AGBL1: variants seen among roughly 807,000 people sequenced by gnomAD.
The protein encoded by AGBL1 is AGBL carboxypeptidase 1.
A neutral mutation model predicts 118.9 loss-of-function variants in AGBL1; 130 were observed. The observed-to-expected ratio is 1.09, with a 90% CI of 0.95 to 1.26. The LOEUF is 1.26. AGBL1 is among the 50% of genes most tolerant of loss of function. The probability of loss-of-function intolerance (pLI) is 0.00; values close to 1 mark genes in which losing one functional copy is unlikely to be tolerated. For synonymous variants in AGBL1, 555 were observed against 478.9 expected, an observed-to-expected ratio of 1.16 and a Z score of -2.08; for missense variants, 1,584 against 1,298.1, an observed-to-expected ratio of 1.22 and a Z score of -3.38.
At chr15:86,403,302 G>C (rs992268142) in intron 18 of AGBL1, among the ~76,000 whole-genome samples, 3 of 152,124 alleles carry the variant, frequency 2.0e-5, no homozygotes, top group Admixed American at 6.6e-5. Flanking sequence ...GATTCTTAGA[G>C]TATATACAAC....
intron 17 of AGBL1, among the ~76,000 whole-genome samples, chr15:86,332,142 T>C (rs959278432): frequency 6.6e-6 from 1 of 152,156 alleles, no homozygotes; most frequent in African/African-American, 2.4e-5. Context: ...TAAAACAATG[T>C]AACAACAGTA....
intron 22 of AGBL1, among the ~76,000 whole-genome samples, chr15:86,785,600 T>C (rs2078400857): frequency 6.6e-6 from 1 of 152,016 alleles, no homozygotes; most frequent in African/African-American, 2.4e-5. Flanking sequence ...ACTCCTGGCC[T>C]CAGGCGATCC....
At chr15:86,582,664 T>C (rs959024924) in intron 21 of AGBL1, among the ~76,000 whole-genome samples, 1 of 152,110 alleles carries the variant, frequency 6.6e-6, no homozygotes, top group Non-Finnish European at 1.5e-5. Flanking sequence ...ATATACACCA[T>C]GGAATACTAT....
At chr15:86,225,117 G>T (rs1266045509) in intron 6 of AGBL1, among the ~76,000 whole-genome samples, 166 bp downstream of exon 6, 1 of 151,430 alleles carries the variant, frequency 6.6e-6, no homozygotes, top group Non-Finnish European at 1.5e-5. Context: ...TCATGTCGTG[G>T]GTCTTTGGGG....
At chr15:86,822,006 T>C (rs1239794395) in intron 22 of AGBL1, among the ~76,000 whole-genome samples, 2 of 152,174 alleles carry the variant, frequency 1.3e-5, no homozygotes, top group African/African-American at 4.8e-5. Flanking sequence ...TCCTGAGAGA[T>C]ACAGTGCCAC....
chr15:86,373,858 C>T (rs75093931), intron 17 of AGBL1, among the ~76,000 whole-genome samples: 2,851 of 152,164 alleles, frequency 0.019, 33 homozygotes, highest in Middle Eastern at 0.065. Flanking sequence ...CCTATAAAAC[C>T]CCTTTGCTTT....
intron 17 of AGBL1, among the ~76,000 whole-genome samples, chr15:86,388,354 G>A (rs1178351693): frequency 6.6e-6 from 1 of 152,134 alleles, no homozygotes; most frequent in Non-Finnish European, 1.5e-5. Context: ...TTTGCTTCCT[G>A]TTAGCAGCTC....
At chr15:86,495,843 C>CT (rs538275489) in intron 18 of AGBL1, among the ~76,000 whole-genome samples, 5 of 150,048 alleles carry the variant, frequency 3.3e-5, no homozygotes, top group African/African-American at 9.8e-5. Flanking sequence ...CTTGCTTTTT[C>CT]TTTTTTTTTC....
At chr15:86,359,861 GT>G (rs144213775) in intron 17 of AGBL1, among the ~76,000 whole-genome samples, 2 of 151,644 alleles carry the variant, frequency 1.3e-5, no homozygotes, top group South Asian at 2.1e-4. Flanking sequence ...CAGATACTTT[GT>G]TTTTTTGTGT....
chr15:86,767,512 G>T (rs796820604), intron 22 of AGBL1, among the ~76,000 whole-genome samples: 12 of 151,968 alleles, frequency 7.9e-5, no homozygotes, highest in African/African-American at 2.7e-4. Context: ...AGTTTCAGGA[G>T]GTAGCAAATA....
At chr15:86,535,360 G>A (rs906857989) in intron 19 of AGBL1, among the ~76,000 whole-genome samples, 3 of 152,198 alleles carry the variant, frequency 2.0e-5, no homozygotes, top group Admixed American at 1.3e-4. Flanking sequence ...AGGACAGTCG[G>A]GGACATCCCT....
intron 17 of AGBL1, among the ~76,000 whole-genome samples, chr15:86,328,045 T>C (rs902363871): frequency 1.3e-5 from 2 of 152,244 alleles, no homozygotes; most frequent in Non-Finnish European, 1.5e-5. Context: ...ATGAAGCTCA[T>C]AATACATAAT....
intron 20 of AGBL1, among the ~76,000 whole-genome samples, chr15:86,552,192 T>C (rs1166890475): frequency 6.6e-6 from 1 of 152,136 alleles, no homozygotes; most frequent in African/African-American, 2.4e-5. Flanking sequence ...CCTACCACTC[T>C]GGTGAGGGAT....
chr15:86,479,613 C>G (rs539458045), intron 18 of AGBL1, among the ~76,000 whole-genome samples: 1 of 152,268 alleles, frequency 6.6e-6, no homozygotes, highest in East Asian at 1.9e-4. Context: ...GAAATAGGAA[C>G]ACTTTTACCC....
intron 24 of AGBL1, among the ~76,000 whole-genome samples, chr15:87,001,939 G>T (rs1313192404): frequency 2.0e-5 from 3 of 151,962 alleles, no homozygotes; most frequent in Non-Finnish European, 4.4e-5. Flanking sequence ...GCCTGTTCAT[G>T]CTGATGGTAG....
intron 16 of AGBL1, among the ~76,000 whole-genome samples, chr15:86,287,872 AAT>A (rs1249060876): frequency 2.0e-5 from 3 of 152,180 alleles, no homozygotes; most frequent in African/African-American, 7.2e-5. Context: ...TGGTCATCTA[AAT>A]TTATGAAGCA....
intron 21 of AGBL1, among the ~76,000 whole-genome samples, chr15:86,629,772 A>G (rs979592580): frequency 6.6e-6 from 1 of 152,222 alleles, no homozygotes; most frequent in Non-Finnish European, 1.5e-5. Flanking sequence ...TTTCCCGTTC[A>G]TATTTATAGT....
At chr15:86,773,600 G>C (rs1375313949) in intron 22 of AGBL1, among the ~76,000 whole-genome samples, 1 of 148,722 alleles carries the variant, frequency 6.7e-6, no homozygotes, top group African/African-American at 2.5e-5. Flanking sequence ...AGAACATGTG[G>C]TGTTTGGTTT....
intron 18 of AGBL1, among the ~76,000 whole-genome samples, chr15:86,404,961 A>G (rs1395630111): frequency 6.6e-6 from 1 of 152,156 alleles, no homozygotes; most frequent in Non-Finnish European, 1.5e-5. Flanking sequence ...CCTTAAGGGA[A>G]AGAGGCAATG....
Sources: allele counts gnomAD v4.1 joint callset (sites outside exome capture counted in the v4.1 genomes callset), GRCh38; gene constraint gnomAD v4.1.1; transcripts MANE v1.5; gene names NCBI Gene and HGNC (gene_info 2026-07-23, HGNC 2026-07-21).